ZNF778: variants seen among roughly 807,000 people sequenced by gnomAD.
The protein encoded by ZNF778 is zinc finger protein 778.
ZNF778 carries 37 observed loss-of-function variants against 23.9 expected under a neutral mutation model. The ratio of observed to expected loss-of-function variants is 1.54; its 90% CI spans 1.19 to 2.03. ZNF778 has a LOEUF of 2.03. Among genes scored for constraint, ZNF778 ranks in the 30% most tolerant of loss-of-function variants. The pLI is 0.00. For synonymous variants in ZNF778, 483 were observed against 343.9 expected (o/e 1.40, Z -4.48); for missense variants, 1,297 against 934.4 (o/e 1.39, Z -5.06).
rs1396479382 is a variant in ZNF778 at position 89,234,306 on chromosome 16, T to C, written c.*5744T>C. On this transcript the variant is annotated 3_prime_UTR_variant, in exon 7 of 7. Transcript: ENST00000433976. Reference sequence around the variant, plus strand: ...CTGTAGGAACTGCCATGTTGACTCCTGGGCAGTTTTATTCTTTCTCTCTAC... The same window carrying C: ...CTGTAGGAACTGCCATGTTGACTCCCGGGCAGTTTTATTCTTTCTCTCTAC... 5.9e-6 allele frequency: 2 copies of C among 338,226 alleles called. No individual in the cohort carries two copies. The highest frequency in any genetic ancestry group is 2.1e-5 in the African/African-American group (1 of 46,564). 21.0% of individuals were successfully genotyped at this position (338,226 alleles called of 1,614,324 possible).
chr16:89,222,284 A>G, intron 3 of ZNF778, 101 bp downstream of exon 3: 2 of 830,806 alleles, frequency 2.4e-6, no homozygotes, highest in Non-Finnish European at 3.6e-6. Flanking sequence ...TCACTCAAGG[A>G]CCGAGTCCCT....
intron 1 of ZNF778, among the ~76,000 whole-genome samples, chr16:89,218,710 G>T (rs933493190): frequency 2.1e-4 from 32 of 152,196 alleles, no homozygotes; most frequent in African/African-American, 7.7e-4. Context: ...AGAATGGCGT[G>T]AACCCGGGAG....
At position 89,224,170 on chromosome 16, in the gene ZNF778, G is replaced by A. The variant is rs572613765; in HGVS notation, c.245-549G>A. Among the ~76,000 whole-genome samples, 8 of 152,128 alleles carry A rather than the reference G, an allele frequency of 5.3e-5. No homozygotes were observed. The East Asian group carries it at 5.8e-4, about 11-fold the overall frequency. The stretch of plus-strand genomic sequence containing the variant: ...ATCCCAGCACTCTAGGAGGCCAGGC[G>A]CAGTGGCTCAGGGCTGTAATCCCAG... On this transcript the variant is annotated intron_variant, in intron 4 of 6. Coordinates refer to ENST00000433976, the MANE Select transcript of ZNF778 (RefSeq NM_001201407.2).
chr16:89,232,821 C>T lies in ZNF778; in HGVS notation c.*4259C>T. On this transcript the variant is annotated 3_prime_UTR_variant, in exon 7 of 7. Coordinates refer to ENST00000433976, the MANE Select transcript of ZNF778 (RefSeq NM_001201407.2). Reference sequence around the variant, plus strand: ...AACTCACTGCATATGCAACTCAACTCACACCGTATATGCAACTCAACTCAC... The same window carrying T: ...AACTCACTGCATATGCAACTCAACTTACACCGTATATGCAACTCAACTCAC... 1.6e-6 allele frequency: 2 copies of T among 1,289,324 alleles called. No homozygotes were observed. Among genetic ancestry groups the T allele is most frequent in the Non-Finnish European group, 2.0e-6 (2 of 988,820 alleles). The allele number at this position is 1,289,324 out of a possible 1,614,324, so 79.9% of individuals were successfully genotyped here. A position where few individuals can be genotyped will look rare whatever the true frequency, so the allele number is the denominator to read the frequency against.
rs1193864284 is a variant in ZNF778, at chr16:89,235,950, A to G, written c.*7388A>G. 1 of 150,320 alleles carries G rather than the reference A, an allele frequency of 6.7e-6. No individual in the cohort carries two copies. The highest frequency in any genetic ancestry group is 2.5e-5 in the African/African-American group (1 of 40,646). 9.3% of individuals were successfully genotyped at this position (150,320 alleles called of 1,614,324 possible). The stretch of plus-strand genomic sequence containing the variant: ...GAGGTGGGCGGATCACAAGGTCAGG[A>G]GATCATGACCATCCTGGCCAACACA... On this transcript the variant is annotated 3_prime_UTR_variant, in exon 7 of 7. Coordinates refer to ENST00000433976, the MANE Select transcript of ZNF778 (RefSeq NM_001201407.2).
chr16:89,219,929 C>G (rs148991972), intron 1 of ZNF778, among the ~76,000 whole-genome samples: 57 of 152,346 alleles, frequency 3.7e-4, no homozygotes, highest in African/African-American at 1.3e-3. Flanking sequence ...CTGCTGAACT[C>G]GTAGAAACTA....
chr16:89,223,357 G>T, intron 4 of ZNF778, 74 bp downstream of exon 4: 1 of 1,595,484 alleles, frequency 6.3e-7, no homozygotes, highest in South Asian at 1.1e-5. Context: ...TCCAGGGTTG[G>T]TGACGGCAAA....
chr16:89,229,068 C>G lies in ZNF778; in HGVS notation c.*506C>G, dbSNP rs1009697622. On this transcript the variant is annotated 3_prime_UTR_variant, in exon 7 of 7. Transcript: ENST00000433976. ...GGGGTTCTGTAGACGTATTTTGAAT[C>G]TTTATGATGCTGCACTGATCATTCT... is the stretch of plus-strand genomic sequence containing the variant. 6 of 992,238 alleles carry G rather than the reference C, an allele frequency of 6.0e-6. No homozygotes were observed. Among genetic ancestry groups the G allele is most frequent in the Non-Finnish European group, 7.2e-6 (6 of 834,368 alleles). The allele number at this position is 992,238 out of a possible 1,614,324, so 61.5% of individuals were successfully genotyped here. A position where few individuals can be genotyped will look rare whatever the true frequency, so the allele number is the denominator to read the frequency against.
At chr16:89,225,362 C>A (rs1157796912) in intron 5 of ZNF778, among the ~76,000 whole-genome samples, 193 bp from the exon 6 acceptor site, 1 of 152,054 alleles carries the variant, frequency 6.6e-6, no homozygotes, top group African/African-American at 2.4e-5. Context: ...GTTCACCTCA[C>A]ATTTCTTCTT....
At chr16:89,222,827 C>T (rs2031087954) in intron 3 of ZNF778, among the ~76,000 whole-genome samples, 1 of 152,170 alleles carries the variant, frequency 6.6e-6, no homozygotes, top group South Asian at 2.1e-4. Flanking sequence ...GGACATAAGG[C>T]GAGGGGAGTG....
chr16:89,227,185 C>T lies in ZNF778; in HGVS notation c.897C>T (p.Arg299=), dbSNP rs531654207. The T allele has an allele frequency of 4.8e-5, 77 of 1,613,956 alleles. No homozygotes were observed. The highest frequency in any genetic ancestry group is 3.8e-4 in the Admixed American group (23 of 60,022). ...AFRYTAYLTG[R]VQVHPGEKPC... is the part of the protein sequence containing the mutation. The stretch of plus-strand genomic sequence containing the variant: ...GGTACACTGCCTACCTTACTGGTCG[C>T]GTGCAAGTCCACCCTGGGGAAAAGC... Residue 299 remains arginine (R), a synonymous_variant, in exon 7 of 7, where the codon CGC becomes CGT. Transcript: ENST00000433976.
rs774164066 is a variant in ZNF778 at position 89,228,506 on chromosome 16, A to G, written c.2218A>G (p.Asn740Asp). 2 of 1,608,182 alleles carry G rather than the reference A, an allele frequency of 1.2e-6. No individual in the cohort carries two copies. Among genetic ancestry groups the G allele is most frequent in the Admixed American group, 1.7e-5 (1 of 58,426 alleles). The change falls in exon 7 of 7, where the codon AAT (asparagine) becomes GAT (aspartate). Residue 740 changes from asparagine to aspartate, a missense_variant. Physicochemically the swap from Asn to Asp is conservative, Grantham distance 23. Coordinates refer to ENST00000433976, the MANE Select transcript of ZNF778 (RefSeq NM_001201407.2). Reference protein sequence around the residue: ...VCKDCGKSFKNSSCLNHHTQI... With the variant: ...VCKDCGKSFKDSSCLNHHTQI... Reference sequence around the variant, plus strand: ...TAAGGACTGTGGAAAATCTTTTAAGAATTCCTCATGCCTTAACCATCACAC... The same window carrying G: ...TAAGGACTGTGGAAAATCTTTTAAGGATTCCTCATGCCTTAACCATCACAC...
intron 5 of ZNF778, 101 bp from the exon 6 acceptor site, chr16:89,225,454 C>G: frequency 1.0e-6 from 1 of 997,926 alleles, no homozygotes; most frequent in East Asian, 2.8e-5. Context: ...AGCCAAACTC[C>G]TTAAATCTAT....
chr16:89,226,209 C>G (rs529874700), intron 6 of ZNF778, among the ~76,000 whole-genome samples: 2 of 151,774 alleles, frequency 1.3e-5, no homozygotes, highest in Admixed American at 6.6e-5. Context: ...TGTGCCTGGC[C>G]GATTCTTTTT....
Position 89,232,676 on chromosome 16 carries a change from C to A in ZNF778, c.*4114C>A. The A allele has an allele frequency of 1.6e-6, 2 of 1,232,330 alleles. No individual in the cohort carries two copies. Among genetic ancestry groups the A allele is most frequent in the South Asian group, 2.8e-5 (2 of 72,058 alleles). The allele number at this position is 1,232,330 out of a possible 1,614,324, so 76.3% of individuals were successfully genotyped here. A position where few individuals can be genotyped will look rare whatever the true frequency, so the allele number is the denominator to read the frequency against. The stretch of plus-strand genomic sequence containing the variant: ...TTTTTTGTTAGGGTACATTTTCATC[C>A]TGGGGTCTTGCTGTGGGGGCTAGAC... On this transcript the variant is annotated 3_prime_UTR_variant, in exon 7 of 7. Coordinates refer to ENST00000433976, the MANE Select transcript of ZNF778 (RefSeq NM_001201407.2).
chr16:89,227,436 A>C lies in ZNF778; in HGVS notation c.1148A>C (p.His383Pro). ...ACGGFYLLNE[H>P]GKTHTREKPF... ...GGTGGGTTTTATCTACTGAATGAGC[A>C]TGGAAAAACTCACACGAGGGAGAAG... Residue 383 changes from histidine to proline, a missense_variant, in exon 7 of 7, where the codon CAT becomes CCT. Physicochemically the swap from His to Pro is moderately conservative, Grantham distance 77. Coordinates refer to ENST00000433976, the MANE Select transcript of ZNF778 (RefSeq NM_001201407.2). The C allele has an allele frequency of 6.2e-7, 1 of 1,613,962 alleles. No individual in the cohort carries two copies. Among genetic ancestry groups the C allele is most frequent in the Non-Finnish European group, 8.5e-7 (1 of 1,179,890 alleles).
Position 89,232,532 on chromosome 16 carries a change from C to G in ZNF778, c.*3970C>G. On this transcript the variant is annotated 3_prime_UTR_variant, in exon 7 of 7. Coordinates refer to ENST00000433976, the MANE Select transcript of ZNF778 (RefSeq NM_001201407.2). ...CTCTTCCTAACTCTCAGAACGTGTT[C>G]TGTGTCACTTAGGGCAACTTATGCC... 1 of 844,570 alleles carries G rather than the reference C, an allele frequency of 1.2e-6. No individual in the cohort carries two copies. Among genetic ancestry groups the G allele is most frequent in the Non-Finnish European group, 1.6e-6 (1 of 629,054 alleles). The allele number at this position is 844,570 out of a possible 1,614,324, so 52.3% of individuals were successfully genotyped here.
intron 6 of ZNF778, 72 bp downstream of exon 6, chr16:89,225,703 A>T (rs1011908520): frequency 7.5e-7 from 1 of 1,340,332 alleles, no homozygotes; most frequent in African/African-American, 1.5e-5. Flanking sequence ...ATAGAAAATG[A>T]GCAAAATTGA....
Position 89,232,349 on chromosome 16 carries a change from C to A in ZNF778, c.*3787C>A. 3.6e-6 allele frequency: 1 copy of A among 274,434 alleles called. No homozygotes were observed. The highest frequency in any genetic ancestry group is 7.1e-6 in the Non-Finnish European group (1 of 140,916). 17.0% of individuals were successfully genotyped at this position (274,434 alleles called of 1,614,324 possible). On this transcript the variant is annotated 3_prime_UTR_variant, in exon 7 of 7. Transcript: ENST00000433976. The stretch of plus-strand genomic sequence containing the variant: ...AAGCAGGTCAGATGCCAGTGCTATG[C>A]TTGCACAGCCTGCTGAACCATGAGC...
Sources: gnomAD v4.1 joint callset for allele counts (sites outside exome capture counted in the v4.1 genomes callset) on GRCh38, gnomAD v4.1.1 for gene constraint, MANE v1.5 for transcripts, NCBI Gene and HGNC (gene_info 2026-07-23, HGNC 2026-07-21) for gene names.